Variants in PLEKHG1 observed in about 807,000 individuals in gnomAD.
The protein encoded by PLEKHG1 is pleckstrin homology and RhoGEF domain containing G1, also known as pleckstrin homology domain-containing family G member 1.
A neutral mutation model predicts 100.8 loss-of-function variants in PLEKHG1; 44 were observed. The observed-to-expected ratio is 0.44, with a 90% CI of 0.34 to 0.56. The LOEUF (loss-of-function observed/expected upper bound fraction) is 0.56, where lower values mean the gene tolerates loss of function less well. PLEKHG1 is among the 20% of genes least tolerant of loss of function. PLEKHG1 has a pLI of 0.01. For synonymous variants in PLEKHG1, 640 were observed against 662.5 expected (o/e 0.97, Z 0.52); for missense variants, 1,545 against 1,720.9 (o/e 0.90, Z 1.81).
chr6:150,676,984 C>A (rs1205954920), intron 3 of PLEKHG1, among the ~76,000 whole-genome samples: 1 of 151,938 alleles, frequency 6.6e-6, no homozygotes, highest in African/African-American at 2.4e-5. Flanking sequence ...CTGCAGCTGC[C>A]TTTATCCAGG....
chr6:150,642,784 A>G (rs1180498888), intron 2 of PLEKHG1, among the ~76,000 whole-genome samples: 1 of 152,220 alleles, frequency 6.6e-6, no homozygotes, highest in Non-Finnish European at 1.5e-5. Flanking sequence ...TAACTGTATT[A>G]CAGCACTTGT....
chr6:150,793,936 G>A (rs1189192305), intron 4 of PLEKHG1, among the ~76,000 whole-genome samples: 1 of 152,010 alleles, frequency 6.6e-6, no homozygotes, highest in Non-Finnish European at 1.5e-5. Flanking sequence ...GCAAAAATTA[G>A]CCAGGCATGG....
chr6:150,807,923 T>C (rs907656228), intron 7 of PLEKHG1, among the ~76,000 whole-genome samples: 18 of 152,088 alleles, frequency 1.2e-4, no homozygotes, highest in Admixed American at 3.3e-4. Flanking sequence ...GAGCCGAGAT[T>C]GTGCCACTGC....
intron 15 of PLEKHG1, among the ~76,000 whole-genome samples, 179 bp downstream of exon 16, chr6:150,832,384 T>C (rs934457857): frequency 6.6e-6 from 1 of 152,200 alleles, no homozygotes; most frequent in Non-Finnish European, 1.5e-5. Context: ...CTGTGAATTA[T>C]CCACATTGTA....
intron 3 of PLEKHG1, among the ~76,000 whole-genome samples, chr6:150,780,045 G>A (rs1461047318): frequency 1.3e-5 from 2 of 151,802 alleles, no homozygotes; most frequent in African/African-American, 4.8e-5. Context: ...TGAAAGACCA[G>A]GACACAATAC....
At chr6:150,673,458 G>T (rs767545359) in intron 3 of PLEKHG1, among the ~76,000 whole-genome samples, 2 of 152,284 alleles carry the variant, frequency 1.3e-5, no homozygotes, top group East Asian at 1.9e-4. Flanking sequence ...GGCAATGCTT[G>T]CTTTCGAATC....
chr6:150,809,842 C>A, intron 10 of PLEKHG1, 108 bp downstream of exon 11: 1 of 699,712 alleles, frequency 1.4e-6, no homozygotes, highest in South Asian at 1.8e-5. Flanking sequence ...GAACTCCAGA[C>A]TGGGCGACAG....
chr6:150,800,908 G>A (rs1285936835), intron 6 of PLEKHG1, 39 bp downstream of exon 7: 1 of 1,569,886 alleles, frequency 6.4e-7, no homozygotes, highest in South Asian at 1.1e-5. Context: ...CCAGGGGATG[G>A]GAGTTTTGTG....
intron 3 of PLEKHG1, among the ~76,000 whole-genome samples, chr6:150,703,316 CTCT>C (rs1380126372): frequency 6.6e-6 from 1 of 152,098 alleles, no homozygotes; most frequent in Non-Finnish European, 1.5e-5. Context: ...GTTAGAAAAG[CTCT>C]TGTCTGGCTG....
At chr6:150,701,971 G>A (rs1274287473) in intron 3 of PLEKHG1, among the ~76,000 whole-genome samples, 2 of 152,194 alleles carry the variant, frequency 1.3e-5, no homozygotes, top group African/African-American at 4.8e-5. Flanking sequence ...TAAAGAGACT[G>A]AGATCGACTG....
chr6:150,671,126 T>C (rs1356986505), intron 3 of PLEKHG1, among the ~76,000 whole-genome samples: 1 of 151,222 alleles, frequency 6.6e-6, no homozygotes, highest in African/African-American at 2.4e-5. Flanking sequence ...CACACACCAG[T>C]TTATTTATCC....
chr6:150,636,634 A>T (rs1778013136), intron 1 of PLEKHG1, among the ~76,000 whole-genome samples: 1 of 152,112 alleles, frequency 6.6e-6, no homozygotes, highest in Non-Finnish European at 1.5e-5. Context: ...CAGAGTTTAG[A>T]TAAAAATCTC....
At chr6:150,744,326 G>A (rs772261428) in intron 2 of PLEKHG1, among the ~76,000 whole-genome samples, 8 of 151,996 alleles carry the variant, frequency 5.3e-5, no homozygotes, top group East Asian at 1.9e-4. Context: ...TGCCTGCCTC[G>A]GCCTCCCAAA....
intron 3 of PLEKHG1, among the ~76,000 whole-genome samples, chr6:150,699,882 T>G (rs962759177): frequency 4.0e-4 from 61 of 152,210 alleles, no homozygotes; most frequent in African/African-American, 1.3e-3. Flanking sequence ...CCTTCCCTTC[T>G]GAGGATAAAG....
At chr6:150,829,226 A>G (rs1045710214) in intron 14 of PLEKHG1, among the ~76,000 whole-genome samples, 1 of 152,240 alleles carries the variant, frequency 6.6e-6, no homozygotes, top group Non-Finnish European at 1.5e-5. Context: ...TCTGCAGAAT[A>G]GAATCAGAGG....
intron 14 of PLEKHG1, chr6:150,828,238 G>A: frequency 6.2e-7 from 1 of 1,613,772 alleles, no homozygotes; most frequent in South Asian, 1.1e-5. Context: ...CCTGACAAGA[G>A]ATGAGTTGGA....
intron 3 of PLEKHG1, among the ~76,000 whole-genome samples, chr6:150,670,869 GC>G (rs149940870): frequency 0.21 from 30,152 of 145,508 alleles, 3,217 homozygotes; most frequent in South Asian, 0.34. Context: ...TTTATCCCTT[GC>G]CCCCCCCTCC....
chr6:150,820,702 T>C (rs1362246256), intron 12 of PLEKHG1, among the ~76,000 whole-genome samples: 1 of 151,928 alleles, frequency 6.6e-6, no homozygotes, highest in Non-Finnish European at 1.5e-5. Flanking sequence ...CTATCTCTAC[T>C]AAAAATACAA....
At chr6:150,777,053 G>T (rs1785012371) in intron 3 of PLEKHG1, among the ~76,000 whole-genome samples, 1 of 151,472 alleles carries the variant, frequency 6.6e-6, no homozygotes, top group Non-Finnish European at 1.5e-5. Flanking sequence ...TGGTGCACAT[G>T]TGCAGTTGCA....
Sources: allele counts gnomAD v4.1 joint callset (sites outside exome capture counted in the v4.1 genomes callset), GRCh38; gene constraint gnomAD v4.1.1; transcripts MANE v1.5; gene names NCBI Gene and HGNC (gene_info 2026-07-23, HGNC 2026-07-21).